The following DTNA variants were observed in gnomAD, a reference collection of about 807,000 sequenced individuals.
The protein encoded by DTNA is dystrophin-related protein 3.
DTNA carries 43 observed loss-of-function variants against 100.7 expected under a neutral mutation model. The observed-to-expected ratio is 0.43, with a 90% CI of 0.33 to 0.55. The LOEUF (loss-of-function observed/expected upper bound fraction) is 0.55, where lower values mean the gene tolerates loss of function less well. Ranked by LOEUF, DTNA falls within the 20% of genes least tolerant of loss-of-function variation. The pLI is 0.04. For synonymous variants in DTNA, 349 were observed against 347.9 expected (o/e 1.00, Z -0.04); for missense variants, 798 against 953.9 (o/e 0.84, Z 2.15).
chr18:34,807,070 G>A (rs772123347), intron 5 of DTNA, among the ~76,000 whole-genome samples: 10 of 152,042 alleles, frequency 6.6e-5, no homozygotes, highest in Non-Finnish European at 1.5e-4. Flanking sequence ...TGAGGGCTTC[G>A]GTAAAACATA....
intron 2 of DTNA, among the ~76,000 whole-genome samples, chr18:34,759,219 C>G (rs2092981056): frequency 6.6e-6 from 1 of 152,176 alleles, no homozygotes; most frequent in African/African-American, 2.4e-5. Context: ...CTCACCTTGG[C>G]TTTTTCAGCC....
chr18:34,559,240 A>G (rs1296055468), intron 1 of DTNA, among the ~76,000 whole-genome samples: 1 of 152,238 alleles, frequency 6.6e-6, no homozygotes, highest in African/African-American at 2.4e-5. Flanking sequence ...AAATAAACTA[A>G]TTGTTTCAAA....
intron 14 of DTNA, among the ~76,000 whole-genome samples, chr18:34,850,959 G>A (rs2096467232): frequency 6.6e-6 from 1 of 152,082 alleles, no homozygotes; most frequent in Non-Finnish European, 1.5e-5. Flanking sequence ...TGAGAAAGTA[G>A]AAGGAAATCA....
At chr18:34,698,426 G>A (rs990017451) in intron 1 of DTNA, among the ~76,000 whole-genome samples, 1 of 152,218 alleles carries the variant, frequency 6.6e-6, no homozygotes, top group African/African-American at 2.4e-5. Flanking sequence ...GGTTCCAGTA[G>A]TCCTGGCATT....
chr18:34,518,606 T>C (rs1373181173), intron 1 of DTNA, among the ~76,000 whole-genome samples: 1 of 151,854 alleles, frequency 6.6e-6, no homozygotes, highest in Non-Finnish European at 1.5e-5. Context: ...AGGTCTGAGA[T>C]TTAGGTTGAG....
chr18:34,742,138 T>C (rs2090762741), intron 1 of DTNA, among the ~76,000 whole-genome samples: 1 of 152,184 alleles, frequency 6.6e-6, no homozygotes, highest in South Asian at 2.1e-4. Flanking sequence ...GAGAGACTTC[T>C]TAAGTACAAA....
chr18:34,609,514 G>A (rs1237493301), intron 1 of DTNA, among the ~76,000 whole-genome samples: 2 of 152,122 alleles, frequency 1.3e-5, no homozygotes, highest in Non-Finnish European at 2.9e-5. Flanking sequence ...AAAGTGCTGG[G>A]ATTACAGGCG....
At chr18:34,622,192 G>C (rs1030458808) in intron 1 of DTNA, among the ~76,000 whole-genome samples, 3 of 152,130 alleles carry the variant, frequency 2.0e-5, no homozygotes, top group African/African-American at 7.2e-5. Context: ...TAATTAGCTT[G>C]ACTTAATCAT....
intron 1 of DTNA, among the ~76,000 whole-genome samples, chr18:34,686,811 C>A (rs926252956): frequency 5.9e-5 from 9 of 152,020 alleles, no homozygotes; most frequent in African/African-American, 2.2e-4. Flanking sequence ...TTAATTACTG[C>A]CTCAAATTCA....
chr18:34,661,040 T>G (rs1225053545), intron 1 of DTNA, among the ~76,000 whole-genome samples: 2 of 152,232 alleles, frequency 1.3e-5, no homozygotes, highest in Non-Finnish European at 1.5e-5. Context: ...TTGACTCTTT[T>G]GTCAACAACT....
Position 34,782,374 on chromosome 18 carries a change from C to T in DTNA, c.149-11663C>T, listed in dbSNP as rs372596921. On this transcript the variant is annotated intron_variant, in intron 3 of 22. Coordinates refer to ENST00000444659, the MANE Select transcript of DTNA (RefSeq NM_001386795.1). ...ATGACCCTGAGCATAAAATTTAGCT[C>T]ATGATTTTATATTAAGTGGAATTTA... Among the ~76,000 whole-genome samples the T allele has an allele frequency of 9.2e-5, 14 of 152,108 alleles. No individual in the cohort carries two copies. In the South Asian group the frequency reaches 2.9e-3, roughly 32 times the overall value.
chr18:34,784,359 A>G (rs1049321556), intron 3 of DTNA, among the ~76,000 whole-genome samples: 1 of 152,238 alleles, frequency 6.6e-6, no homozygotes, highest in Non-Finnish European at 1.5e-5. Context: ...TCTAAGCTCC[A>G]ACACAAATTT....
rs191669152 is a variant in DTNA, at chr18:34,863,815, T to A, written c.1647-151T>A. On this transcript the variant is annotated intron_variant, in intron 16 of 22. Transcript: ENST00000444659. ...AAGAAACACTTCCAGCTGTAATTGT[T>A]CATTCATTTGACAACAGTTCCCTGC... 7.4e-5 allele frequency: 53 copies of A among 715,098 alleles called. No individual in the cohort carries two copies. In the African/African-American group the frequency reaches 7.5e-4, roughly 10 times the overall value. 44.3% of individuals were successfully genotyped at this position (715,098 alleles called of 1,614,324 possible).
At chr18:34,792,728 T>G (rs2149016620) in intron 3 of DTNA, among the ~76,000 whole-genome samples, 1 of 152,372 alleles carries the variant, frequency 6.6e-6, no homozygotes, top group South Asian at 2.1e-4. Context: ...ATGGTTCAAC[T>G]ACTTTTGGAA....
chr18:34,573,133 T>A (rs1474248962), intron 1 of DTNA, among the ~76,000 whole-genome samples: 1 of 152,206 alleles, frequency 6.6e-6, no homozygotes, highest in Admixed American at 6.5e-5. Flanking sequence ...TACAATTAAC[T>A]TTGCACCTGG....
chr18:34,636,607 G>A (rs1417581500), intron 1 of DTNA, among the ~76,000 whole-genome samples: 1 of 152,176 alleles, frequency 6.6e-6, no homozygotes, highest in Non-Finnish European at 1.5e-5. Flanking sequence ...AGTGAATAAA[G>A]CTGGTAACAT....
rs1247455899 is a variant in DTNA at position 34,848,533 on chromosome 18, T to A, written c.1434+150T>A. ...TGTGTTTGTTGCTAAGTTTGTGGTGTCTTGGTGGTGAATTTACAGTTTAAA... is the reference window on the plus strand; with the variant it reads ...TGTGTTTGTTGCTAAGTTTGTGGTGACTTGGTGGTGAATTTACAGTTTAAA... On this transcript the variant is annotated intron_variant, in intron 14 of 22. Coordinates refer to ENST00000444659, the MANE Select transcript of DTNA (RefSeq NM_001386795.1). 3 of 915,934 alleles carry A rather than the reference T, an allele frequency of 3.3e-6. No individual in the cohort carries two copies. In the African/African-American group the frequency reaches 4.9e-5, roughly 15 times the overall value. 56.7% of individuals were successfully genotyped at this position (915,934 alleles called of 1,614,324 possible).
chr18:34,670,897 C>T (rs191276832), intron 1 of DTNA, among the ~76,000 whole-genome samples: 60 of 152,282 alleles, frequency 3.9e-4, no homozygotes, highest in South Asian at 1.4e-3. Context: ...GCAGTCTGAC[C>T]GTTCTCAGAT....
intron 1 of DTNA, among the ~76,000 whole-genome samples, chr18:34,677,267 C>T (rs987443201): frequency 1.1e-4 from 16 of 152,152 alleles, no homozygotes; most frequent in African/African-American, 3.9e-4. Context: ...CTGGACCACC[C>T]ATGGGGTTCT....
Sources: allele counts gnomAD v4.1 joint callset (sites outside exome capture counted in the v4.1 genomes callset), GRCh38; gene constraint gnomAD v4.1.1; transcripts MANE v1.5; gene names NCBI Gene and HGNC (gene_info 2026-07-23, HGNC 2026-07-21).